Variants in SELENOT observed in about 807,000 individuals in gnomAD.
The protein encoded by SELENOT is thioredoxin reductase-like selenoprotein T.
SELENOT carries 9 observed loss-of-function variants against 24.3 expected under a neutral mutation model. The observed-to-expected ratio is 0.37, with a 90% confidence interval of 0.22 to 0.65. SELENOT has a LOEUF of 0.65. Among genes scored for constraint, SELENOT ranks in the 30% least tolerant of loss-of-function variants. The pLI is 0.60. For synonymous variants in SELENOT, 81 were observed against 86.0 expected (o/e 0.94, Z 0.32); for missense variants, 166 against 247.6 (o/e 0.67, Z 2.21).
intron 1 of SELENOT, among the ~76,000 whole-genome samples, chr3:150,619,261 G>A (rs1726286823): frequency 6.6e-6 from 1 of 150,854 alleles, no homozygotes; most frequent in African/African-American, 2.4e-5. Context: ...GCTAGGCATG[G>A]TGGCTCACGC....
At chr3:150,618,891 C>T (rs879092585) in intron 1 of SELENOT, 1 of 152,102 alleles carries the variant, frequency 6.6e-6, no homozygotes, top group African/African-American at 2.4e-5. Context: ...GCTGTATTTT[C>T]GAAATTTCCT....
intron 3 of SELENOT, among the ~76,000 whole-genome samples, chr3:150,624,217 C>G (rs770890130): frequency 1.3e-5 from 2 of 152,136 alleles, no homozygotes; most frequent in African/African-American, 4.8e-5. Context: ...TCTTTCTCAT[C>G]TGCTGTGAAC....
At chr3:150,603,611 AGAACTGTGCC>A (rs1725895430) in intron 1 of SELENOT, 112 bp downstream of exon 1, 1 of 1,271,152 alleles carries the variant, frequency 7.9e-7, no homozygotes, top group Non-Finnish European at 1.1e-6. Flanking sequence ...CTGGCCTCGT[AGAACTGTGCC>A]GGCGCCCTTC....
At chr3:150,620,401 C>G (rs530455270) in intron 1 of SELENOT, among the ~76,000 whole-genome samples, 70 of 152,254 alleles carry the variant, frequency 4.6e-4, no homozygotes, top group Middle Eastern at 3.4e-3. Flanking sequence ...AATTTGGGGT[C>G]TAGTGGAAAG....
intron 1 of SELENOT, among the ~76,000 whole-genome samples, chr3:150,616,840 C>T (rs974604737): frequency 2.6e-5 from 4 of 152,168 alleles, no homozygotes; most frequent in South Asian, 4.1e-4. Context: ...GAGGTTTTAC[C>T]GTGTTACTCA....
chr3:150,610,261 G>C (rs1382441131), intron 1 of SELENOT, among the ~76,000 whole-genome samples: 3 of 152,160 alleles, frequency 2.0e-5, no homozygotes, highest in African/African-American at 7.2e-5. Context: ...TAGGTATAAA[G>C]GTACCCTTTT....
chr3:150,611,122 C>T, intron 1 of SELENOT: 52 of 517,350 alleles, frequency 1.0e-4, no homozygotes, highest in South Asian at 3.8e-4. Flanking sequence ...CATGAGTTTC[C>T]AACTAATTAT....
intron 1 of SELENOT, among the ~76,000 whole-genome samples, chr3:150,615,195 G>T (rs867810840): frequency 6.6e-6 from 1 of 151,340 alleles, no homozygotes; most frequent in Admixed American, 6.6e-5. Context: ...GGACATGAAT[G>T]CATCATTTTT....
chr3:150,620,310 G>A (rs923450913), intron 1 of SELENOT, among the ~76,000 whole-genome samples: 1 of 152,160 alleles, frequency 6.6e-6, no homozygotes, highest in Non-Finnish European at 1.5e-5. Context: ...AATTGTATAG[G>A]TACCCGATGG....
At chr3:150,605,014 G>A (rs1200286464) in intron 1 of SELENOT, among the ~76,000 whole-genome samples, 2 of 133,712 alleles carry the variant, frequency 1.5e-5, no homozygotes, top group African/African-American at 5.6e-5. Flanking sequence ...TCCAGCCTGG[G>A]CAACAAGAGC....
chr3:150,606,694 G>A (rs1004727008), intron 1 of SELENOT, among the ~76,000 whole-genome samples: 4 of 151,658 alleles, frequency 2.6e-5, no homozygotes, highest in Admixed American at 2.0e-4. Flanking sequence ...CTGGGCTCAA[G>A]AGATTCTCAT....
intron 4 of SELENOT, among the ~76,000 whole-genome samples, chr3:150,625,600 C>T (rs1003994656): frequency 2.6e-5 from 4 of 151,944 alleles, no homozygotes; most frequent in African/African-American, 7.3e-5. Flanking sequence ...TTGGCAAATA[C>T]GGCCTATGAG....
chr3:150,613,045 G>A (rs756903390), intron 1 of SELENOT, among the ~76,000 whole-genome samples: 27 of 152,206 alleles, frequency 1.8e-4, no homozygotes, highest in Non-Finnish European at 3.7e-4. Context: ...GAGTCCGAAA[G>A]ATTTAAAGAT....
chr3:150,626,043 G>A (rs1162311716), intron 4 of SELENOT, among the ~76,000 whole-genome samples: 1 of 151,872 alleles, frequency 6.6e-6, no homozygotes, highest in Non-Finnish European at 1.5e-5. Context: ...CTAATTTTTT[G>A]TATTTTTAGT....
In SELENOT at chr3:150,611,537, TTC is replaced by T. The variant is rs1392557973; in HGVS notation, c.137+8042_137+8043del. On this transcript the variant is annotated intron_variant, in intron 1 of 5. Transcript: ENST00000471696. ...TCACCTCCATCATCATCACTCCCTT[TTC>T]TCTTTCTTCTGTTTCGAATACTCTG... is the stretch of plus-strand genomic sequence containing the variant. The T allele has an allele frequency of 8.7e-6, 10 of 1,143,350 alleles. No individual in the cohort carries two copies. In the Admixed American group the frequency reaches 1.3e-4, roughly 15 times the overall value. The allele number at this position is 1,143,350 out of a possible 1,614,324, so 70.8% of individuals were successfully genotyped here.
At chr3:150,622,233 C>T (rs1726358600) in intron 1 of SELENOT, among the ~76,000 whole-genome samples, 152 bp from the exon 2 acceptor site, 1 of 151,890 alleles carries the variant, frequency 6.6e-6, no homozygotes, top group Non-Finnish European at 1.5e-5. Flanking sequence ...TTAAAAAACT[C>T]AATGTATTTG....
At chr3:150,618,230 T>C (rs952604694) in intron 1 of SELENOT, among the ~76,000 whole-genome samples, 1 of 152,222 alleles carries the variant, frequency 6.6e-6, no homozygotes, top group East Asian at 1.9e-4. Flanking sequence ...TTTGTATTTC[T>C]GGAACATCAG....
rs1458723552 is a variant in SELENOT, at chr3:150,615,905, CA to C, written c.138-6476del. Among the ~76,000 whole-genome samples, 1,088 of 151,414 alleles carry C rather than the reference CA, an allele frequency of 7.2e-3. 13 individuals are homozygous for C. The highest frequency in any genetic ancestry group is 0.025 in the African/African-American group (1,030 of 41,442). ...CCGCATCACCAAGTCAATCCTAAGC[CA>C]AAAGAACAAAGCTGGAGGCATCACA... On this transcript the variant is annotated intron_variant, in intron 1 of 5. Coordinates refer to ENST00000471696, the MANE Select transcript of SELENOT (RefSeq NM_016275.5).
chr3:150,619,867 T>C (rs910268068), intron 1 of SELENOT, among the ~76,000 whole-genome samples: 7 of 152,110 alleles, frequency 4.6e-5, no homozygotes, highest in Non-Finnish European at 1.5e-5. Context: ...AGCAATTATA[T>C]AGGAAAAAGG....
Sources: allele counts gnomAD v4.1 joint callset (sites outside exome capture counted in the v4.1 genomes callset), GRCh38; gene constraint gnomAD v4.1.1; transcripts MANE v1.5; gene names NCBI Gene and HGNC (gene_info 2026-07-23, HGNC 2026-07-21).